The following ADGRL2 variants were observed in gnomAD, a reference collection of about 807,000 sequenced individuals.
ADGRL2 encodes the protein calcium-independent alpha-latrotoxin receptor 2.
In ADGRL2, 44 loss-of-function variants were observed where a neutral mutation model predicts 157.4. The observed-to-expected ratio is 0.28, with a 90% CI of 0.22 to 0.36. ADGRL2 has a LOEUF of 0.36. Ranked by LOEUF, ADGRL2 falls within the 10% of genes least tolerant of loss-of-function variation. ADGRL2 has a pLI of 1.00. For synonymous variants in ADGRL2, 585 were observed against 624.7 expected (o/e 0.94, Z 0.95); for missense variants, 1,510 against 1,768.9 (o/e 0.85, Z 2.63).
intron 2 of ADGRL2, among the ~76,000 whole-genome samples, chr1:81,511,794 G>A (rs368762835): frequency 3.3e-5 from 5 of 151,890 alleles, no homozygotes; most frequent in South Asian, 4.2e-4. Context: ...ACAATGTTCC[G>A]GAATTTTTTT....
At chr1:81,862,314 T>G (rs2093415153) in intron 2 of ADGRL2, among the ~76,000 whole-genome samples, 1 of 152,100 alleles carries the variant, frequency 6.6e-6, no homozygotes, top group Non-Finnish European at 1.5e-5. Flanking sequence ...AAAAAGAAAT[T>G]AAAAAAAGCA....
chr1:81,322,344 C>G (rs1414571090), intron 1 of ADGRL2, among the ~76,000 whole-genome samples: 1 of 151,802 alleles, frequency 6.6e-6, no homozygotes, highest in South Asian at 2.1e-4. Flanking sequence ...ACACATGAAA[C>G]AAACCTTAAA....
rs539854617 is a variant in ADGRL2, at chr1:81,535,878, A to C, written c.-247-44998A>C. Among the ~76,000 whole-genome samples the C allele has an allele frequency of 5.9e-5, 9 of 152,322 alleles. No homozygotes were observed. The South Asian group carries it at 8.3e-4, about 14-fold the overall frequency. On this transcript the variant is annotated intron_variant, in intron 2 of 24. Coordinates refer to the ADGRL2 transcript ENST00000370721. ...AGGCAGGATATAAAATGCCCAGGAA[A>C]AAAACCTAACATTTAAACATGTAAA...
chr1:81,584,239 C>T (rs2080977992), intron 3 of ADGRL2, among the ~76,000 whole-genome samples: 1 of 152,142 alleles, frequency 6.6e-6, no homozygotes, highest in African/African-American at 2.4e-5. Context: ...TCACACATCT[C>T]TTGTCCAGTG....
chr1:81,751,049 T>G (rs2085473970), intron 1 of ADGRL2, among the ~76,000 whole-genome samples: 1 of 152,038 alleles, frequency 6.6e-6, no homozygotes, highest in African/African-American at 2.4e-5. Context: ...AAAACGAGCC[T>G]GGAATATATT....
intron 3 of ADGRL2, among the ~76,000 whole-genome samples, chr1:81,584,278 A>AG (rs1292542238): frequency 6.6e-6 from 1 of 152,134 alleles, no homozygotes; most frequent in Non-Finnish European, 1.5e-5. Flanking sequence ...CTCACTGGGC[A>AG]GGGGGAGTAA....
chr1:81,706,884 T>C (rs1210044305), intron 1 of ADGRL2, among the ~76,000 whole-genome samples: 2 of 152,162 alleles, frequency 1.3e-5, no homozygotes, highest in Non-Finnish European at 2.9e-5. Flanking sequence ...AAGAGATTTC[T>C]CTTCATAGGA....
intron 1 of ADGRL2, among the ~76,000 whole-genome samples, chr1:81,377,876 T>G (rs1400314552): frequency 6.6e-6 from 1 of 152,144 alleles, no homozygotes; most frequent in African/African-American, 2.4e-5. Flanking sequence ...AATAATAATG[T>G]GCATATTGAA....
upstream of ADGRL2, among the ~76,000 whole-genome samples, chr1:81,796,394 T>A (rs1232848843): frequency 2.0e-5 from 3 of 152,184 alleles, no homozygotes; most frequent in African/African-American, 7.2e-5. Context: ...ATAAAATTAG[T>A]GTTCTTTTGC....
intron 1 of ADGRL2, among the ~76,000 whole-genome samples, chr1:81,425,954 A>G (rs1261191538): frequency 6.6e-6 from 1 of 151,912 alleles, no homozygotes; most frequent in Non-Finnish European, 1.5e-5. Flanking sequence ...ACAGCCTTGA[A>G]CTCCTGGGCT....
At chr1:81,894,722 T>G (rs2094344117) in intron 2 of ADGRL2, among the ~76,000 whole-genome samples, 1 of 145,732 alleles carries the variant, frequency 6.9e-6, no homozygotes, top group South Asian at 2.2e-4. Context: ...TATTTCAATA[T>G]GTTTTTTTTT....
At chr1:81,695,362 A>C (rs1227679059), upstream of ADGRL2, among the ~76,000 whole-genome samples, 3 of 152,172 alleles carry the variant, frequency 2.0e-5, no homozygotes, top group Non-Finnish European at 4.4e-5. Flanking sequence ...GGAATAGTAA[A>C]AATTACCAAG....
chr1:81,621,562 A>T (rs541594188), intron 3 of ADGRL2, among the ~76,000 whole-genome samples: 1 of 152,168 alleles, frequency 6.6e-6, no homozygotes, highest in African/African-American at 2.4e-5. Context: ...CAGAGCTCTC[A>T]GTTACACAGC....
intron 2 of ADGRL2, among the ~76,000 whole-genome samples, chr1:81,762,119 C>T (rs953710490): frequency 3.3e-5 from 5 of 152,034 alleles, no homozygotes; most frequent in Admixed American, 6.6e-5. Context: ...GTATATCCAA[C>T]ATTTTGTTTT....
At chr1:81,875,203 T>C (rs1410599160) in intron 2 of ADGRL2, among the ~76,000 whole-genome samples, 2 of 152,142 alleles carry the variant, frequency 1.3e-5, no homozygotes, top group Non-Finnish European at 2.9e-5. Context: ...AGCTGTTTGC[T>C]ACTGTCAGAA....
chr1:81,847,515 A>T (rs910204152), intron 2 of ADGRL2, among the ~76,000 whole-genome samples: 1 of 150,712 alleles, frequency 6.6e-6, no homozygotes, highest in East Asian at 2.0e-4. Flanking sequence ...TAGAAATAAC[A>T]TCACTTTCAG....
chr1:81,931,383 G>T (rs1386644672), intron 3 of ADGRL2, among the ~76,000 whole-genome samples: 2 of 152,078 alleles, frequency 1.3e-5, no homozygotes, highest in Admixed American at 6.5e-5. Context: ...GTTGAGTGTT[G>T]TACTCTATAT....
At chr1:81,926,023 G>C (rs572222093) in intron 3 of ADGRL2, among the ~76,000 whole-genome samples, 128 of 152,098 alleles carry the variant, frequency 8.4e-4, no homozygotes, top group African/African-American at 2.8e-3. Flanking sequence ...TTTAGTTGCA[G>C]GTTCTTTTGC....
intron 2 of ADGRL2, among the ~76,000 whole-genome samples, chr1:81,882,693 C>A (rs776355272): frequency 1.1e-4 from 16 of 152,140 alleles, no homozygotes; most frequent in Non-Finnish European, 4.4e-5. Flanking sequence ...TGAATAATTT[C>A]TCTAATGCAT....
Sources: gnomAD v4.1 joint callset for allele counts (sites outside exome capture counted in the v4.1 genomes callset) on GRCh38, gnomAD v4.1.1 for gene constraint, MANE v1.5 for transcripts, NCBI Gene and HGNC (gene_info 2026-07-23, HGNC 2026-07-21) for gene names.